SYT7: variants seen among roughly 807,000 people sequenced by gnomAD.
SYT7 encodes the protein synaptotagmin 7, also known as synaptotagmin-7.
Under a neutral mutation model 75.1 loss-of-function variants are expected in SYT7, and 29 were observed. That is an observed-to-expected ratio of 0.39 (90% CI 0.29 to 0.53). SYT7 has a LOEUF of 0.53. Ranked by LOEUF, SYT7 falls within the 20% of genes least tolerant of loss-of-function variation. The pLI is 0.77. For missense variants in SYT7, 693 were observed against 953.2 expected, an observed-to-expected ratio of 0.73 and a Z score of 3.59; for synonymous variants, 376 against 401.7, an observed-to-expected ratio of 0.94 and a Z score of 0.76.
Position 61,518,665 on chromosome 11 carries a change from G to T in SYT7, c.2023C>A (p.Arg675=), listed in dbSNP as rs1274898225. ...TGGTGCCACTGGGCCACGGGCTGCC[G>T]GGGACGGGCAATCATGTCCTTCCAG... ...KHWKDMIARP[R]QPVAQWHQLK... is the part of the protein sequence containing the mutation. Residue 675 remains arginine, a synonymous_variant, in exon 13 of 13, where the codon CGG becomes AGG. Transcript: ENST00000539008. 1 of 1,549,270 alleles carries T rather than the reference G, an allele frequency of 6.5e-7. No homozygotes were observed. Among genetic ancestry groups the T allele is most frequent in the African/African-American group, 1.4e-5 (1 of 73,100 alleles).
At position 61,580,834 on chromosome 11, in the gene SYT7, C is replaced by T; in HGVS notation, c.-14G>A. On this transcript the variant is annotated 5_prime_UTR_variant, in exon 1 of 13. Coordinates refer to ENST00000539008, the MANE Select transcript of SYT7 (RefSeq NM_001365809.2). This position sits in a 1 kb window ranked among gnomAD's most constrained non-coding sequence, Gnocchi z 6.1. ...GTCCCGGTACATGGTCCCCTCGTCG[C>T]CGGTTCCCTCCGGGCTCCTCAGAGC... 8.0e-7 allele frequency: 1 copy of T among 1,256,420 alleles called. No homozygotes were observed. Among genetic ancestry groups the T allele is most frequent in the Non-Finnish European group, 1.0e-6 (1 of 998,360 alleles). The allele number at this position is 1,256,420 out of a possible 1,614,324, so 77.8% of individuals were successfully genotyped here.
At position 61,576,091 on chromosome 11, in the gene SYT7, A is replaced by G. The variant is rs1391940572; in HGVS notation, c.31+4699T>C. On this transcript the variant is annotated intron_variant, in intron 1 of 12. Transcript: ENST00000539008. The surrounding 1 kb of genome is among the most constrained non-coding windows in gnomAD (Gnocchi z 4.1). ...TCCAACCAACTGGACCTGGAATTCC[A>G]GGCCAAAGCTCTGGGCACAGTCCAG... 1.8e-4 allele frequency among the ~76,000 whole-genome samples: 27 copies of G among 152,210 alleles called. No homozygotes were observed. Among genetic ancestry groups the G allele is most frequent in the Non-Finnish European group, 4.4e-5 (3 of 68,028 alleles).
At chr11:61,555,338 C>T (rs2063465949) in intron 2 of SYT7, among the ~76,000 whole-genome samples, 1 of 152,210 alleles carries the variant, frequency 6.6e-6, no homozygotes, top group South Asian at 2.1e-4. Flanking sequence ...AAAGTCCCAC[C>T]ACACTTCTGG....
chr11:61,541,539 A>T (rs1240286749), intron 6 of SYT7, among the ~76,000 whole-genome samples: 3 of 152,136 alleles, frequency 2.0e-5, no homozygotes, highest in Non-Finnish European at 4.4e-5. Flanking sequence ...GAAAGCTCCA[A>T]TTTAGAAACA....
intron 6 of SYT7, among the ~76,000 whole-genome samples, chr11:61,541,829 T>A (rs2063050867): frequency 1.3e-5 from 2 of 151,622 alleles, no homozygotes; most frequent in African/African-American, 4.9e-5. Context: ...GGGATGGGTT[T>A]TGGAGCAGAA....
intron 1 of SYT7, among the ~76,000 whole-genome samples, chr11:61,577,967 C>T (rs943309013): frequency 5.3e-5 from 8 of 152,154 alleles, no homozygotes; most frequent in Non-Finnish European, 1.2e-4. Flanking sequence ...GACAAGCAGT[C>T]CGAGAGAAAC....
At chr11:61,530,243 A>G (rs2062663663) in intron 8 of SYT7, among the ~76,000 whole-genome samples, 1 of 152,194 alleles carries the variant, frequency 6.6e-6, no homozygotes, top group South Asian at 2.1e-4. Flanking sequence ...TCAGATCTAC[A>G]GTCTGAGGCT....
chr11:61,556,170 G>A lies in SYT7; in HGVS notation c.69C>T (p.Ile23=). Residue 23 remains isoleucine (I), a synonymous_variant, in exon 2 of 13, where the codon ATC becomes ATT. Transcript: ENST00000539008. ...CAGTGACGCTAAGGCTGACGGTGAT[G>A]ATGGCAGAGACCAGCAGGACGTCGC... ...PSRDVLLVSA[I]ITVSLSVTVV... 3.1e-6 allele frequency: 5 copies of A among 1,614,042 alleles called. No individual in the cohort carries two copies. The highest frequency in any genetic ancestry group is 3.4e-6 in the Non-Finnish European group (4 of 1,179,974).
intron 1 of SYT7, among the ~76,000 whole-genome samples, chr11:61,558,133 C>G (rs769811841): frequency 2.0e-5 from 3 of 152,200 alleles, no homozygotes; most frequent in Admixed American, 2.0e-4. Flanking sequence ...GCCATTCTTA[C>G]GCTGAGCTTT....
At chr11:61,544,970 G>C (rs1286856867) in intron 5 of SYT7, among the ~76,000 whole-genome samples, 1 of 152,184 alleles carries the variant, frequency 6.6e-6, no homozygotes, top group Non-Finnish European at 1.5e-5. Flanking sequence ...CAACAGGATG[G>C]CCCAACAGCT....
In SYT7 at chr11:61,542,832, T is replaced by A. The variant is rs984274951; in HGVS notation, c.573-253A>T. On this transcript the variant is annotated intron_variant, in intron 5 of 12. Coordinates refer to ENST00000539008, the MANE Select transcript of SYT7 (RefSeq NM_001365809.2). The surrounding 1 kb of genome is among the most constrained non-coding windows in gnomAD (Gnocchi z 7.8). ...ACCCACCTTCTGGCCCTGGCTCAGC[T>A]AGTGCCAGAATACCTCCTGGCTAGG... 6.6e-6 allele frequency among the ~76,000 whole-genome samples: 1 copy of A among 152,166 alleles called. No homozygotes were observed.
At chr11:61,536,716 G>A (rs897363157) in intron 7 of SYT7, among the ~76,000 whole-genome samples, 12 of 152,182 alleles carry the variant, frequency 7.9e-5, no homozygotes, top group African/African-American at 1.2e-4. Flanking sequence ...CTGTGGACTC[G>A]GGATGGGAAG....
At position 61,536,471 on chromosome 11, in the gene SYT7, G is replaced by T. The variant is rs534713859; in HGVS notation, c.1064+1673C>A. 4.6e-5 allele frequency among the ~76,000 whole-genome samples: 7 copies of T among 152,260 alleles called. No homozygotes were observed. The East Asian group carries it at 1.4e-3, about 29-fold the overall frequency. On this transcript the variant is annotated intron_variant, in intron 7 of 12. Transcript: ENST00000539008. The stretch of plus-strand genomic sequence containing the variant: ...CCAGCCACCCCCTGTGTGCCTTCTC[G>T]CCCCTGGCCCCCGGCCCTCCCAGTG...
intron 1 of SYT7, among the ~76,000 whole-genome samples, chr11:61,560,778 A>C (rs1194968427): frequency 1.3e-5 from 2 of 151,926 alleles, no homozygotes; most frequent in African/African-American, 4.8e-5. Context: ...AAAGTCATGA[A>C]GTCAGGCCCC....
At chr11:61,526,786 C>T (rs77774420) in intron 9 of SYT7, among the ~76,000 whole-genome samples, 4,449 of 152,262 alleles carry the variant, frequency 0.029, 92 homozygotes, top group Non-Finnish European at 0.031. Flanking sequence ...CAAAGGAGGG[C>T]GTCCAGAAAC....
In SYT7 at chr11:61,538,353, GAGAGA is replaced by G. The variant is rs1565180345; in HGVS notation, c.942-92_942-88del. ...GGGGGGAAGGAGAGAGAGGGAGAGA[GAGAGA>G]GAGAGAGAGAGAGAGAGAGAGAGAG... is the stretch of plus-strand genomic sequence containing the variant. On this transcript the variant is annotated intron_variant, in intron 6 of 12. Transcript: ENST00000539008. 6.6e-4 allele frequency: 441 copies of G among 665,784 alleles called. 2 individuals carry two copies. Among genetic ancestry groups the G allele is most frequent in the South Asian group, 4.8e-3 (223 of 46,028 alleles). The allele number at this position is 665,784 out of a possible 1,614,324, so 41.2% of individuals were successfully genotyped here. A position where few individuals can be genotyped will look rare whatever the true frequency, so the allele number is the denominator to read the frequency against.
upstream of SYT7, among the ~76,000 whole-genome samples, chr11:61,585,885 A>G (rs2135498009): frequency 6.6e-6 from 1 of 152,240 alleles, no homozygotes; most frequent in Non-Finnish European, 1.5e-5. Context: ...TGGTTACTTG[A>G]CATCTCTGGG....
At chr11:61,530,352 G>T (rs2062667933) in intron 8 of SYT7, among the ~76,000 whole-genome samples, 3 of 152,000 alleles carry the variant, frequency 2.0e-5, no homozygotes, top group African/African-American at 7.3e-5. Flanking sequence ...AAACCTGCAA[G>T]CGCCACCGCA....
intron 8 of SYT7, among the ~76,000 whole-genome samples, chr11:61,528,898 A>G (rs2062614896): frequency 6.6e-6 from 1 of 152,128 alleles, no homozygotes; most frequent in Non-Finnish European, 1.5e-5. Flanking sequence ...GGGGCTGAGG[A>G]CTGCTGGGAG....
Sources: allele counts gnomAD v4.1 joint callset (sites outside exome capture counted in the v4.1 genomes callset), GRCh38; gene constraint gnomAD v4.1.1; non-coding constraint Gnocchi (gnomAD v3.1); transcripts MANE v1.5; gene names NCBI Gene and HGNC (gene_info 2026-07-23, HGNC 2026-07-21).